LPP: variants seen among roughly 807,000 people sequenced by gnomAD.
LPP encodes lipoma-preferred partner.
Under a neutral mutation model 60.4 loss-of-function variants are expected in LPP, and 38 were observed. That is an observed-to-expected ratio of 0.63 (90% confidence interval 0.49 to 0.83). LPP has a LOEUF of 0.83. Ranked by LOEUF, LPP falls within the 40% of genes least tolerant of loss-of-function variation. LPP has a pLI of 0.00. For missense variants in LPP, 902 were observed against 783.6 expected (o/e 1.15, Z -1.80); for synonymous variants, 328 against 290.8 (o/e 1.13, Z -1.30).
chr3:188,416,831 G>C (rs2148986394), intron 4 of LPP, among the ~76,000 whole-genome samples: 1 of 152,226 alleles, frequency 6.6e-6, no homozygotes, highest in Non-Finnish European at 1.5e-5. Context: ...CTATTGTGTT[G>C]CTTTGGGTAG....
intron 2 of LPP, among the ~76,000 whole-genome samples, chr3:188,258,320 GGTTTT>G (rs765511304): frequency 6.6e-6 from 1 of 152,200 alleles, no homozygotes; most frequent in African/African-American, 2.4e-5. Flanking sequence ...CACTTGGGGA[GGTTTT>G]GTTTTGTTTT....
chr3:188,616,610 C>CT (rs201864564), intron 7 of LPP, among the ~76,000 whole-genome samples: 2,771 of 151,628 alleles, frequency 0.018, 39 homozygotes, highest in Non-Finnish European at 0.03. Flanking sequence ...TTTCCGTATA[C>CT]GTTTTAGCAT....
intron 1 of LPP, among the ~76,000 whole-genome samples, chr3:188,198,486 G>A (rs138995691): frequency 1.3e-5 from 2 of 152,288 alleles, no homozygotes. Flanking sequence ...AGGGTATGGT[G>A]GATAGACTTT....
chr3:188,552,407 A>G (rs1828383793), intron 6 of LPP, among the ~76,000 whole-genome samples: 1 of 152,184 alleles, frequency 6.6e-6, no homozygotes, highest in Non-Finnish European at 1.5e-5. Context: ...ATGATGAGCA[A>G]AGACTGGAGA....
At chr3:188,869,527 G>A (rs924506387) in intron 10 of LPP, among the ~76,000 whole-genome samples, 1 of 152,188 alleles carries the variant, frequency 6.6e-6, no homozygotes, top group African/African-American at 2.4e-5. Context: ...TTGACCTCAG[G>A]TGATCCACCC....
chr3:188,248,497 T>TATATATATATATATATATATATACAC (rs1288280759), intron 2 of LPP, among the ~76,000 whole-genome samples: 1 of 140,728 alleles, frequency 7.1e-6, no homozygotes, highest in Admixed American at 7.0e-5. Context: ...TATATATATA[T>TATATATATATATATATATATATACAC]ACAGTCAGCA....
At chr3:188,695,459 A>G (rs1407650375) in intron 7 of LPP, among the ~76,000 whole-genome samples, 1 of 152,212 alleles carries the variant, frequency 6.6e-6, no homozygotes, top group Non-Finnish European at 1.5e-5. Flanking sequence ...AGACATCCAT[A>G]GCTCATATTT....
rs533439857 is a variant in LPP at position 188,876,026 on chromosome 3, A to G, written c.*1547A>G. ...ATGAATTCCTATATACCTAATACCCAGTTTAAGACACCAAATATAACAAGT... is the reference window on the plus strand; with the variant it reads ...ATGAATTCCTATATACCTAATACCCGGTTTAAGACACCAAATATAACAAGT... On this transcript the variant is annotated 3_prime_UTR_variant, in exon 12 of 12. Transcript: ENST00000617246. The G allele has an allele frequency of 3.2e-5, 6 of 186,500 alleles. No homozygotes were observed. The South Asian group carries it at 1.2e-3, about 36-fold the overall frequency. 11.6% of individuals were successfully genotyped at this position (186,500 alleles called of 1,614,324 possible).
intron 7 of LPP, among the ~76,000 whole-genome samples, chr3:188,670,060 A>G (rs1312357065): frequency 6.6e-6 from 1 of 152,174 alleles, no homozygotes; most frequent in Non-Finnish European, 1.5e-5. Context: ...CAATGAGAAC[A>G]CTTGGACACA....
At chr3:188,391,474 G>T (rs1186278018) in intron 3 of LPP, among the ~76,000 whole-genome samples, 3 of 152,144 alleles carry the variant, frequency 2.0e-5, no homozygotes, top group Admixed American at 6.5e-5. Context: ...GAGTTTGTAA[G>T]GATCTTGAGG....
At chr3:188,856,164 T>G (rs1459032660) in intron 9 of LPP, among the ~76,000 whole-genome samples, 2 of 152,190 alleles carry the variant, frequency 1.3e-5, no homozygotes, top group Non-Finnish European at 2.9e-5. Context: ...GACAGAGAAC[T>G]GTATGAGACT....
intron 6 of LPP, among the ~76,000 whole-genome samples, chr3:188,599,694 G>T (rs1254294556): frequency 1.3e-5 from 2 of 150,816 alleles, no homozygotes; most frequent in Admixed American, 6.6e-5. Flanking sequence ...ACATTTCAAA[G>T]AAGTAAGATA....
intron 4 of LPP, among the ~76,000 whole-genome samples, chr3:188,442,443 G>A (rs1486251131): frequency 1.3e-5 from 2 of 152,136 alleles, no homozygotes; most frequent in Admixed American, 1.3e-4. Flanking sequence ...TCAACTTAAT[G>A]AAATGTTGCT....
At chr3:188,369,293 G>GTT (rs1048288198) in intron 3 of LPP, among the ~76,000 whole-genome samples, 3 of 145,620 alleles carry the variant, frequency 2.1e-5, no homozygotes, top group African/African-American at 5.0e-5. Flanking sequence ...TCACAGGAAA[G>GTT]TTTTTTTTTT....
intron 5 of LPP, among the ~76,000 whole-genome samples, chr3:188,506,289 A>C (rs568726070): frequency 1.3e-5 from 2 of 152,180 alleles, no homozygotes; most frequent in Non-Finnish European, 2.9e-5. Flanking sequence ...AACAATTTTT[A>C]GAAGGTTATT....
intron 2 of LPP, among the ~76,000 whole-genome samples, chr3:188,309,793 T>A (rs1752798901): frequency 6.6e-6 from 1 of 152,210 alleles, no homozygotes; most frequent in African/African-American, 2.4e-5. Flanking sequence ...TCATTTACTG[T>A]AAGTTGAAAG....
intron 7 of LPP, among the ~76,000 whole-genome samples, chr3:188,691,332 C>T (rs1038874346): frequency 6.6e-6 from 1 of 152,136 alleles, no homozygotes; most frequent in Admixed American, 6.5e-5. Context: ...GGCTTCAGTG[C>T]CTTGAGTGCT....
intron 7 of LPP, among the ~76,000 whole-genome samples, chr3:188,625,182 A>G (rs998156674): frequency 6.6e-6 from 1 of 152,210 alleles, no homozygotes; most frequent in African/African-American, 2.4e-5. Flanking sequence ...TATTTGTTCA[A>G]TGATGGGAAA....
chr3:188,845,224 CTTA>C (rs955448422), intron 9 of LPP, among the ~76,000 whole-genome samples: 3 of 152,164 alleles, frequency 2.0e-5, no homozygotes, highest in Non-Finnish European at 2.9e-5. Flanking sequence ...AATCAGAATG[CTTA>C]TTAAGTGACC....
Sources: gnomAD v4.1 joint callset for allele counts (sites outside exome capture counted in the v4.1 genomes callset) on GRCh38, gnomAD v4.1.1 for gene constraint, MANE v1.5 for transcripts, NCBI Gene and HGNC (gene_info 2026-07-23, HGNC 2026-07-21) for gene names.